ATP6V1C1: variants seen among roughly 807,000 people sequenced by gnomAD.
ATP6V1C1 encodes V-type proton ATPase subunit C 1.
In ATP6V1C1, 45 loss-of-function variants were observed where a neutral mutation model predicts 53.9. The observed-to-expected ratio is 0.83, with a 90% confidence interval of 0.66 to 1.07. The LOEUF is 1.07. ATP6V1C1 is among the 50% of genes least tolerant of loss of function. The pLI, the probability that ATP6V1C1 is intolerant of heterozygous loss-of-function variation, is 0.00. For missense variants in ATP6V1C1, 315 were observed against 440.3 expected (o/e 0.72, Z 2.55); for synonymous variants, 153 against 155.2 (o/e 0.99, Z 0.11).
chr8:103,055,515 G>A (rs1158191777), intron 7 of ATP6V1C1, among the ~76,000 whole-genome samples: 1 of 152,072 alleles, frequency 6.6e-6, no homozygotes, highest in African/African-American at 2.4e-5. Context: ...AGGAATGATA[G>A]TGATTTTAGC....
intron 2 of ATP6V1C1, 114 bp downstream of exon 2, chr8:103,041,082 A>G: frequency 8.3e-7 from 1 of 1,204,274 alleles, no homozygotes; most frequent in South Asian, 2.1e-5. Flanking sequence ...CCTCCTCTCC[A>G]GCCATTGGCA....
intron 3 of ATP6V1C1, 108 bp from the exon 4 acceptor site, chr8:103,048,762 A>G: frequency 1.1e-6 from 1 of 894,706 alleles, no homozygotes; most frequent in Middle Eastern, 3.1e-4. Flanking sequence ...GGATAGGTAT[A>G]ATGGGAACAT....
At chr8:103,067,963 A>G (rs981057001) in intron 12 of ATP6V1C1, among the ~76,000 whole-genome samples, 1 of 152,142 alleles carries the variant, frequency 6.6e-6, no homozygotes, top group Non-Finnish European at 1.5e-5. Context: ...CTAGCAGTAA[A>G]TTCTTATAAC....
At chr8:103,044,812 TG>T (rs1303275889) in intron 3 of ATP6V1C1, among the ~76,000 whole-genome samples, 1 of 152,160 alleles carries the variant, frequency 6.6e-6, no homozygotes, top group Non-Finnish European at 1.5e-5. Context: ...ATGTATCAGT[TG>T]GGGAGTAGTA....
chr8:103,035,672 T>C (rs750067519), intron 1 of ATP6V1C1, among the ~76,000 whole-genome samples: 10 of 152,172 alleles, frequency 6.6e-5, no homozygotes, highest in Non-Finnish European at 1.3e-4. Flanking sequence ...TACATTATTT[T>C]ATTCATACTT....
chr8:103,053,641 A>T (rs918587483), intron 6 of ATP6V1C1, among the ~76,000 whole-genome samples: 1 of 152,036 alleles, frequency 6.6e-6, no homozygotes, highest in East Asian at 1.9e-4. Flanking sequence ...AGAAGAGCTG[A>T]GTTATAATAA....
intron 8 of ATP6V1C1, among the ~76,000 whole-genome samples, chr8:103,061,414 A>C (rs1419501307): frequency 6.6e-6 from 1 of 152,206 alleles, no homozygotes; most frequent in Non-Finnish European, 1.5e-5. Flanking sequence ...GGTGGTTCTT[A>C]GGCTTCAGGA....
rs565179744 is a variant in ATP6V1C1, at chr8:103,043,567, G to A, written c.200+1160G>A. The stretch of plus-strand genomic sequence containing the variant: ...AGGCTGATCTCAAACCCCTGACCTC[G>A]TGATCCACCCACCTTGGCCTCCCAA... On this transcript the variant is annotated intron_variant, in intron 3 of 12. Coordinates refer to ENST00000518738, the MANE Select transcript of ATP6V1C1 (RefSeq NM_001695.5). 2.3e-3 allele frequency among the ~76,000 whole-genome samples: 348 copies of A among 151,586 alleles called. 1 individual carries two copies. Among genetic ancestry groups the A allele is most frequent in the Non-Finnish European group, 3.8e-3 (258 of 67,868 alleles).
At chr8:103,034,754 A>G (rs536563304) in intron 1 of ATP6V1C1, among the ~76,000 whole-genome samples, 3 of 151,926 alleles carry the variant, frequency 2.0e-5, no homozygotes, top group African/African-American at 7.2e-5. Flanking sequence ...TATTTTTAGT[A>G]AAGACATGGT....
intron 3 of ATP6V1C1, among the ~76,000 whole-genome samples, chr8:103,046,984 T>G (rs185935100): frequency 6.6e-6 from 1 of 152,302 alleles, no homozygotes; most frequent in East Asian, 1.9e-4. Flanking sequence ...TGCAACATTT[T>G]AGAATGTTCG....
intron 8 of ATP6V1C1, among the ~76,000 whole-genome samples, chr8:103,059,512 AC>A (rs1244321670): frequency 6.9e-6 from 1 of 145,956 alleles, no homozygotes; most frequent in East Asian, 2.0e-4. Flanking sequence ...TTGCCCTTGC[AC>A]CCCCCTCCCC....
chr8:103,046,355 C>T (rs1817096553), intron 3 of ATP6V1C1, among the ~76,000 whole-genome samples: 2 of 152,022 alleles, frequency 1.3e-5, no homozygotes, highest in South Asian at 2.1e-4. Flanking sequence ...TATAGGCTTG[C>T]ACCACCACAC....
intron 8 of ATP6V1C1, among the ~76,000 whole-genome samples, chr8:103,056,986 C>G (rs1817299413): frequency 6.6e-6 from 1 of 151,540 alleles, no homozygotes; most frequent in South Asian, 2.1e-4. Flanking sequence ...TAGGGTCCGT[C>G]ACTGGTAGGG....
intron 8 of ATP6V1C1, among the ~76,000 whole-genome samples, chr8:103,061,743 A>G (rs1390474090): frequency 2.0e-5 from 3 of 152,242 alleles, no homozygotes; most frequent in Non-Finnish European, 4.4e-5. Flanking sequence ...ACTAAACATT[A>G]GAAGAACTCC....
Position 103,066,312 on chromosome 8 carries a change from T to C in ATP6V1C1, c.927-9T>C, listed in dbSNP as rs1158723458. 1.3e-6 allele frequency: 2 copies of C among 1,596,836 alleles called. No individual in the cohort carries two copies. Among genetic ancestry groups the C allele is most frequent in the Admixed American group, 3.7e-5 (2 of 54,456 alleles). On this transcript the variant is annotated splice_polypyrimidine_tract_variant and intron_variant, in intron 11 of 12. Coordinates refer to ENST00000518738, the MANE Select transcript of ATP6V1C1 (RefSeq NM_001695.5). Reference sequence around the variant, plus strand: ...TGTATTGCGTACTGTATTTCTGCTTTTTTGTAAGGTATGGCTTGCCAGTGA... The same window carrying C: ...TGTATTGCGTACTGTATTTCTGCTTCTTTGTAAGGTATGGCTTGCCAGTGA...
At chr8:103,022,677 C>G (rs974362870) in intron 1 of ATP6V1C1, among the ~76,000 whole-genome samples, 4 of 152,130 alleles carry the variant, frequency 2.6e-5, no homozygotes, top group African/African-American at 9.7e-5. Context: ...TCTTCATACC[C>G]TCTCGCTCTG....
At chr8:103,047,424 G>GAGCA (rs1817119377) in intron 3 of ATP6V1C1, among the ~76,000 whole-genome samples, 1 of 58,576 alleles carries the variant, frequency 1.7e-5, no homozygotes, top group African/African-American at 1.1e-4. Context: ...AAAAAAAAAT[G>GAGCA]CGCGCGCACA....
intron 8 of ATP6V1C1, among the ~76,000 whole-genome samples, chr8:103,056,358 G>A (rs980143917): frequency 2.0e-5 from 3 of 152,164 alleles, no homozygotes; most frequent in African/African-American, 7.2e-5. Context: ...CTGGACTGCC[G>A]TGTTGATCTC....
At position 103,068,335 on chromosome 8, in the gene ATP6V1C1, T is replaced by A. The variant is rs140147357; in HGVS notation, c.1054-317T>A. On this transcript the variant is annotated intron_variant, in intron 12 of 12. Coordinates refer to ENST00000518738, the MANE Select transcript of ATP6V1C1 (RefSeq NM_001695.5). ...CTTGTATCCCATCAACTCAGTATTC[T>A]AAGTCCAAGATTTAAAAAGTTAATT... Among the ~76,000 whole-genome samples the A allele has an allele frequency of 3.4e-3, 522 of 152,352 alleles. 3 individuals carry two copies. The highest frequency in any genetic ancestry group is 0.012 in the African/African-American group (491 of 41,582).
Sources: gnomAD v4.1 joint callset for allele counts (sites outside exome capture counted in the v4.1 genomes callset) on GRCh38, gnomAD v4.1.1 for gene constraint, MANE v1.5 for transcripts, NCBI Gene and HGNC (gene_info 2026-07-23, HGNC 2026-07-21) for gene names.